Variants in SNAPIN observed in about 807,000 individuals in gnomAD.
SNAPIN encodes the protein SNARE-associated protein Snapin.
A neutral mutation model predicts 15.9 loss-of-function variants in SNAPIN; 16 were observed. The ratio of observed to expected loss-of-function variants is 1.01; its 90% CI spans 0.68 to 1.53. The LOEUF (loss-of-function observed/expected upper bound fraction) is 1.53, where lower values mean the gene tolerates loss of function less well. Among genes scored for constraint, SNAPIN ranks in the 40% most tolerant of loss-of-function variants. SNAPIN has a pLI of 0.00. For synonymous variants in SNAPIN, 83 were observed against 76.2 expected (o/e 1.09, Z -0.46); for missense variants, 186 against 180.1 (o/e 1.03, Z -0.19).
intron 3 of SNAPIN, among the ~76,000 whole-genome samples, chr1:153,659,785 G>A (rs1194662678): frequency 6.6e-6 from 1 of 152,136 alleles, no homozygotes; most frequent in Non-Finnish European, 1.5e-5. Context: ...TGTCACCCAG[G>A]CTGGAGTGCG....
intron 3 of SNAPIN, 141 bp downstream of exon 3, chr1:153,659,707 C>T (rs938668614): frequency 7.6e-6 from 5 of 657,754 alleles, no homozygotes; most frequent in Non-Finnish European, 1.3e-5. Context: ...TAGGAAAATT[C>T]GTCTCATTCT....
chr1:153,659,691 A>T (rs904030057), intron 3 of SNAPIN, 125 bp downstream of exon 3: 2 of 702,420 alleles, frequency 2.8e-6, no homozygotes, highest in Non-Finnish European at 5.0e-6. Flanking sequence ...GTACTTGAAA[A>T]ATACCTAGGA....
At chr1:153,661,176 T>C in intron 3 of SNAPIN, 24 bp from the exon 4 acceptor site, 1 of 1,604,890 alleles carries the variant, frequency 6.2e-7, no homozygotes, top group Non-Finnish European at 8.5e-7. Flanking sequence ...GTGGTTAAGA[T>C]TCCAAACCTT....
rs1669144574 is a variant in SNAPIN, at chr1:153,661,089, T to C, written c.310-111T>C. ...CCGGCCTACATTCTTATATATACTT[T>C]TGAAGACTGACTTTGAGGTAGATCA... On this transcript the variant is annotated intron_variant, in intron 3 of 3. Coordinates refer to ENST00000368685, the MANE Select transcript of SNAPIN (RefSeq NM_012437.6). 4.1e-5 allele frequency: 32 copies of C among 786,536 alleles called. No individual in the cohort carries two copies. The South Asian group carries it at 4.2e-4, about 10-fold the overall frequency. The allele number at this position is 786,536 out of a possible 1,614,324, so 48.7% of individuals were successfully genotyped here.
chr1:153,661,458 G>T lies in SNAPIN; in HGVS notation c.*157G>T, dbSNP rs1669160852. The stretch of plus-strand genomic sequence containing the variant: ...GAAGCACTTCGTCTTACCCATTTAT[G>T]TAGGGGCCCCAGGAAACCTACACAC... On this transcript the variant is annotated 3_prime_UTR_variant, in exon 4 of 4. Coordinates refer to ENST00000368685, the MANE Select transcript of SNAPIN (RefSeq NM_012437.6). 1.9e-6 allele frequency: 1 copy of T among 529,902 alleles called. No individual in the cohort carries two copies. Among genetic ancestry groups the T allele is most frequent in the Non-Finnish European group, 3.3e-6 (1 of 302,980 alleles). The allele number at this position is 529,902 out of a possible 1,614,324, so 32.8% of individuals were successfully genotyped here.
Position 153,661,279 on chromosome 1 carries a change from C to T in SNAPIN, c.389C>T (p.Pro130Leu). The T allele has an allele frequency of 7.4e-6, 12 of 1,613,384 alleles. No homozygotes were observed. The highest frequency in any genetic ancestry group is 1.1e-5 in the South Asian group (1 of 91,064). ...RRAMLDSGIY[P>L]PGSPGK ...GCAATGCTGGATTCGGGAATTTACC[C>T]CCCTGGCTCCCCAGGCAAATAACAG... The change falls in exon 4 of 4, where the codon CCC becomes CTC. Residue 130 changes from proline to leucine, a missense_variant. Physicochemically the swap from Pro to Leu is moderately conservative, Grantham distance 98 (BLOSUM62 -3). Coordinates refer to ENST00000368685, the MANE Select transcript of SNAPIN (RefSeq NM_012437.6).
At position 153,661,409 on chromosome 1, in the gene SNAPIN, A is replaced by G; in HGVS notation, c.*108A>G. Reference sequence around the variant, plus strand: ...AGTCCCCATAGACCTTCAGACATTAAAAAGGGAGCCGTACAGTTTGTTTGA... The same window carrying G: ...AGTCCCCATAGACCTTCAGACATTAGAAAGGGAGCCGTACAGTTTGTTTGA... On this transcript the variant is annotated 3_prime_UTR_variant, in exon 4 of 4. Transcript: ENST00000368685. The G allele has an allele frequency of 1.2e-6, 1 of 862,334 alleles. No individual in the cohort carries two copies. The highest frequency in any genetic ancestry group is 2.8e-5 in the East Asian group (1 of 35,572). 53.4% of individuals were successfully genotyped at this position (862,334 alleles called of 1,614,324 possible).
intron 1 of SNAPIN, 123 bp downstream of exon 1, chr1:153,659,009 G>A (rs1669084097): frequency 3.2e-6 from 5 of 1,560,206 alleles, no homozygotes; most frequent in Non-Finnish European, 3.5e-6. Context: ...GGGGAGGACA[G>A]GCGGGAAGGC....
Position 153,658,748 on chromosome 1 carries a change from C to G in SNAPIN, c.5C>G (p.Ala2Gly). 6.4e-7 allele frequency: 1 copy of G among 1,559,736 alleles called. No individual in the cohort carries two copies. The highest frequency in any genetic ancestry group is 8.6e-7 in the Non-Finnish European group (1 of 1,160,804). Residue 2 changes from alanine (A) to glycine (G), a missense_variant, in exon 1 of 4, where the codon GCG (alanine) becomes GGG (glycine). Coordinates refer to ENST00000368685, the MANE Select transcript of SNAPIN (RefSeq NM_012437.6). Reference sequence around the variant, plus strand: ...CGGGCTTCAGGACAATTCGTGATGGCGGGGGCTGGTTCCGCCGCTGTATCG... The same window carrying G: ...CGGGCTTCAGGACAATTCGTGATGGGGGGGGCTGGTTCCGCCGCTGTATCG... MAGAGSAAVSGA... is the reference protein window; with the variant it reads MGGAGSAAVSGA...
chr1:153,660,651 GAAAAAA>G (rs936959398), intron 3 of SNAPIN, among the ~76,000 whole-genome samples: 6 of 112,546 alleles, frequency 5.3e-5, no homozygotes, highest in African/African-American at 7.1e-5. Context: ...TCCGTCTCGG[GAAAAAA>G]AAAAAAAAAA....
intron 1 of SNAPIN, 111 bp from the exon 2 acceptor site, chr1:153,659,027 G>T: frequency 6.5e-7 from 1 of 1,546,656 alleles, no homozygotes; most frequent in Non-Finnish European, 8.9e-7. Context: ...GGCCGCAGGT[G>T]GAGGGTTCAG....
upstream of SNAPIN, chr1:153,658,668 C>A (rs1669069578): frequency 3.5e-6 from 5 of 1,421,180 alleles, no homozygotes; most frequent in Non-Finnish European, 4.6e-6. Flanking sequence ...CGCCCCCTCA[C>A]GGGGCGGGGC....
chr1:153,659,616 C>T (rs1264558801), intron 3 of SNAPIN, 50 bp downstream of exon 3: 44 of 1,272,662 alleles, frequency 3.5e-5, no homozygotes, highest in Non-Finnish European at 4.7e-5. Flanking sequence ...TTTGTAAGTC[C>T]TCAACACAGT....
At position 153,661,378 on chromosome 1, in the gene SNAPIN, G is replaced by A; in HGVS notation, c.*77G>A. The A allele has an allele frequency of 9.0e-7, 1 of 1,108,816 alleles. No individual in the cohort carries two copies. Among genetic ancestry groups the A allele is most frequent in the Non-Finnish European group, 1.4e-6 (1 of 737,704 alleles). 68.7% of individuals were successfully genotyped at this position (1,108,816 alleles called of 1,614,324 possible). ...TTTCAACAGACATGCAAAGATCCTA[G>A]GAGACAGTCCCCATAGACCTTCAGA... On this transcript the variant is annotated 3_prime_UTR_variant, in exon 4 of 4. Transcript: ENST00000368685.
chr1:153,661,557 C>CT lies in SNAPIN; in HGVS notation c.*257dup. On this transcript the variant is annotated 3_prime_UTR_variant, in exon 4 of 4. Coordinates refer to ENST00000368685, the MANE Select transcript of SNAPIN (RefSeq NM_012437.6). Reference sequence around the variant, plus strand: ...TCCTTTCACAAATGAGCTGAGGCCTCTACTTTTTTTTTTAAGCTGCATACG... The same window carrying CT: ...TCCTTTCACAAATGAGCTGAGGCCTCTTACTTTTTTTTTTAAGCTGCATACG... 3.4e-6 allele frequency: 1 copy of CT among 298,204 alleles called. No homozygotes were observed. Among genetic ancestry groups the CT allele is most frequent in the Non-Finnish European group, 6.5e-6 (1 of 153,578 alleles). The allele number at this position is 298,204 out of a possible 1,614,324, so 18.5% of individuals were successfully genotyped here.
chr1:153,659,965 G>C (rs1304852278), intron 3 of SNAPIN, among the ~76,000 whole-genome samples: 1 of 151,632 alleles, frequency 6.6e-6, no homozygotes, highest in African/African-American at 2.4e-5. Flanking sequence ...GAACTCCTGG[G>C]CTCAAGTGAG....
At chr1:153,659,400 C>A in intron 2 of SNAPIN, 48 bp from the exon 3 acceptor site, 1 of 1,485,550 alleles carries the variant, frequency 6.7e-7, no homozygotes, top group Non-Finnish European at 9.4e-7. Context: ...TCCCTCAGAA[C>A]AAGAGATAAG....
At chr1:153,659,677 C>T (rs1669099957) in intron 3 of SNAPIN, 111 bp downstream of exon 3, 1 of 765,972 alleles carries the variant, frequency 1.3e-6, no homozygotes, top group African/African-American at 1.7e-5. Flanking sequence ...ATTCACTTCT[C>T]CCAGTACTTG....
intron 3 of SNAPIN, 104 bp downstream of exon 3, chr1:153,659,670 C>A (rs1669099882): frequency 1.2e-6 from 1 of 805,804 alleles, no homozygotes; most frequent in East Asian, 2.5e-5. Context: ...AAGGGAAATT[C>A]ACTTCTCCCA....
Sources: allele counts gnomAD v4.1 joint callset (sites outside exome capture counted in the v4.1 genomes callset), GRCh38; gene constraint gnomAD v4.1.1; transcripts MANE v1.5; gene names NCBI Gene and HGNC (gene_info 2026-07-23, HGNC 2026-07-21).